The following TRMU variants were observed in gnomAD, a reference collection of about 807,000 sequenced individuals.
TRMU encodes the protein tRNA mitochondrial 2-thiouridylase.
TRMU carries 49 observed loss-of-function variants against 46.9 expected under a neutral mutation model. That is an observed-to-expected ratio of 1.05 (90% CI 0.83 to 1.33). The LOEUF is 1.33. TRMU is among the 40% of genes most tolerant of loss of function. The pLI is 0.00. For synonymous variants in TRMU, 241 were observed against 200.9 expected (o/e 1.20, Z -1.69); for missense variants, 572 against 532.4 (o/e 1.07, Z -0.73).
intron 9 of TRMU, 112 bp downstream of exon 9, chr22:46,355,700 C>G (rs1369039705): frequency 6.5e-7 from 1 of 1,540,318 alleles, no homozygotes; most frequent in Non-Finnish European, 8.9e-7. Flanking sequence ...TTGTGGAGAT[C>G]ATTTGGAGAT....
In TRMU at chr22:46,351,636, C is replaced by A. The variant is rs116074081; in HGVS notation, c.652-485C>A. 2,185 of 258,610 alleles carry A rather than the reference C, an allele frequency of 8.4e-3. 53 individuals carry two copies. Among genetic ancestry groups the A allele is most frequent in the African/African-American group, 0.046 (2,085 of 45,460 alleles). 16.0% of individuals were successfully genotyped at this position (258,610 alleles called of 1,614,324 possible). On this transcript the variant is annotated intron_variant, in intron 5 of 10. Coordinates refer to ENST00000645190, the MANE Select transcript of TRMU (RefSeq NM_018006.5). This position sits in a 1 kb window ranked among gnomAD's most constrained non-coding sequence, Gnocchi z 6.4. ...ACACAAACCAGAGTAAACGATGCAG[C>A]CCCTGATGGGGCCACGGTGGAGAGC...
intron 1 of TRMU, among the ~76,000 whole-genome samples, chr22:46,337,565 A>G (rs1328412470): frequency 6.6e-6 from 1 of 152,134 alleles, no homozygotes; most frequent in African/African-American, 2.4e-5. Flanking sequence ...GGACACAAAG[A>G]TGAGAAAATA....
rs550760620 is a variant in TRMU, at chr22:46,350,168, A to T, written c.479-123A>T. The T allele has an allele frequency of 2.0e-3, 2,246 of 1,122,958 alleles. 3 individuals are homozygous for T. Among genetic ancestry groups the T allele is most frequent in the Non-Finnish European group, 2.7e-3 (2,081 of 762,662 alleles). 69.6% of individuals were successfully genotyped at this position (1,122,958 alleles called of 1,614,324 possible). On this transcript the variant is annotated intron_variant, in intron 4 of 10. Coordinates refer to ENST00000645190, the MANE Select transcript of TRMU (RefSeq NM_018006.5). The surrounding 1 kb of genome is among the most constrained non-coding windows in gnomAD (Gnocchi z 4.6). ...GTCTTTTCCCTAGTAGTTGCTATTGAGTGTTGATGTCTGCCTCTGACAGGC... is the reference window on the plus strand; with the variant it reads ...GTCTTTTCCCTAGTAGTTGCTATTGTGTGTTGATGTCTGCCTCTGACAGGC...
rs142580828 is a variant in TRMU at position 46,349,406 on chromosome 22, T to TG, written c.479-883dup. 0.032 allele frequency among the ~76,000 whole-genome samples: 4,933 copies of TG among 152,266 alleles called. 280 individuals are homozygous for TG. Among genetic ancestry groups the TG allele is most frequent in the African/African-American group, 0.11 (4,623 of 41,528 alleles). On this transcript the variant is annotated intron_variant, in intron 4 of 10. Coordinates refer to ENST00000645190, the MANE Select transcript of TRMU (RefSeq NM_018006.5). This position sits in a 1 kb window ranked among gnomAD's most constrained non-coding sequence, Gnocchi z 4.6. ...CACGGCTAACGTGGGAATCGGCAGA[T>TG]GGAAAACACTAGCTACGCAGAGTGT...
At position 46,356,067 on chromosome 22, in the gene TRMU, G is replaced by A. The variant is rs1352813234; in HGVS notation, c.1096G>A (p.Gly366Arg). Residue 366 changes from glycine (G) to arginine (R), a missense_variant, in exon 10 of 11, where the codon GGA becomes AGA. Transcript: ENST00000645190. The stretch of plus-strand genomic sequence containing the variant: ...GCAGGCTGTGCGTGCCCTTGCCACA[G>A]GACAGGTGCGTGGGGTGTGGGGGTG... ...AVQAVRALAT[G>R]QFAVFYKGDE... 6.2e-7 allele frequency: 1 copy of A among 1,613,940 alleles called. No individual in the cohort carries two copies. The highest frequency in any genetic ancestry group is 2.2e-5 in the East Asian group (1 of 44,882).
Position 46,352,282 on chromosome 22 carries a change from G to A in TRMU, c.724G>A (p.Gly242Ser), listed in dbSNP as rs769144412. Residue 242 changes from glycine (G) to serine (S), a missense_variant, in exon 7 of 11, where the codon GGT becomes AGT. Coordinates refer to ENST00000645190, the MANE Select transcript of TRMU (RefSeq NM_018006.5). ...FLLQYLQPRP[G>S]HFISIEDNKV... Reference sequence around the variant, plus strand: ...TTTCCAGTATCTGCAGCCTCGACCTGGTCACTTTATTTCCATAGAAGACAA... The same window carrying A: ...TTTCCAGTATCTGCAGCCTCGACCTAGTCACTTTATTTCCATAGAAGACAA... 1 of 1,614,074 alleles carries A rather than the reference G, an allele frequency of 6.2e-7. No homozygotes were observed. Among genetic ancestry groups the A allele is most frequent in the Non-Finnish European group, 8.5e-7 (1 of 1,180,030 alleles).
intron 3 of TRMU, among the ~76,000 whole-genome samples, chr22:46,345,101 C>T (rs771603754): frequency 6.6e-6 from 1 of 152,170 alleles, no homozygotes; most frequent in East Asian, 1.9e-4. Flanking sequence ...GATGGAGTCT[C>T]ACTCTGTCTC....
rs937514852 is a variant in TRMU at position 46,348,819 on chromosome 22, C to A, written c.479-1472C>A. Among the ~76,000 whole-genome samples the A allele has an allele frequency of 8.5e-5, 13 of 152,144 alleles. No individual in the cohort carries two copies. The highest frequency in any genetic ancestry group is 3.1e-4 in the African/African-American group (13 of 41,436). On this transcript the variant is annotated intron_variant, in intron 4 of 10. Coordinates refer to ENST00000645190, the MANE Select transcript of TRMU (RefSeq NM_018006.5). This position sits in a 1 kb window ranked among gnomAD's most constrained non-coding sequence, Gnocchi z 4.8. ...GCTTTTACACACATGCAGTGTTTGA[C>A]TGCAGTTAGTTTGGGATTGAAAGTG...
chr22:46,340,276 A>G (rs1004939558), intron 2 of TRMU, among the ~76,000 whole-genome samples: 7 of 152,140 alleles, frequency 4.6e-5, no homozygotes, highest in Admixed American at 1.3e-4. Context: ...GGGAGACCAG[A>G]GAGGAGAGGA....
At chr22:46,352,213 T>G in intron 6 of TRMU, 39 bp downstream of exon 6, 1 of 1,613,848 alleles carries the variant, frequency 6.2e-7, no homozygotes, top group Admixed American at 1.7e-5. Context: ...TGGGGCTGCG[T>G]GTCTGCCCTG....
At chr22:46,343,455 G>A (rs979154633) in intron 3 of TRMU, 87 bp downstream of exon 3, 57 of 1,000,518 alleles carry the variant, frequency 5.7e-5, no homozygotes, top group Non-Finnish European at 2.6e-5. Flanking sequence ...GTGCGATCAT[G>A]ACTCACTGCA....
In TRMU at chr22:46,355,537, C is replaced by G; in HGVS notation, c.967C>G (p.Arg323Gly). Residue 323 changes from arginine (R) to glycine (G), a missense_variant, in exon 9 of 11, where the codon CGG becomes GGG. By Grantham distance (125) the Arg-to-Gly change is moderately radical. Transcript: ENST00000645190. ...IAEEPPAALVRDKMMECHFRF... is the reference protein window; with the variant it reads ...IAEEPPAALVGDKMMECHFRF... Reference sequence around the variant, plus strand: ...GGAGGAGCCTCCCGCAGCACTGGTCCGGGACAAGATGATGGAGTGCCACTT... The same window carrying G: ...GGAGGAGCCTCCCGCAGCACTGGTCGGGGACAAGATGATGGAGTGCCACTT... 1 of 1,613,260 alleles carries G rather than the reference C, an allele frequency of 6.2e-7. No individual in the cohort carries two copies. The highest frequency in any genetic ancestry group is 2.2e-5 in the East Asian group (1 of 44,862).
rs1223746135 is a variant in TRMU at position 46,335,887 on chromosome 22, G to A, written c.82+41G>A. The A allele has an allele frequency of 2.6e-6, 4 of 1,531,746 alleles. No homozygotes were observed. In the East Asian group the frequency reaches 9.8e-5, roughly 38 times the overall value. 94.9% of individuals were successfully genotyped at this position (1,531,746 alleles called of 1,614,324 possible). ...CTCCCGCCCCCCGCCGAGCGAATGT[G>A]TCCCCGGAAACCTGTCCCCGTCCGT... On this transcript the variant is annotated intron_variant, in intron 1 of 10. Transcript: ENST00000645190.
At chr22:46,345,508 A>T (rs1246645272) in intron 3 of TRMU, among the ~76,000 whole-genome samples, 1 of 152,216 alleles carries the variant, frequency 6.6e-6, no homozygotes, top group African/African-American at 2.4e-5. Context: ...AATAATACAT[A>T]TTTATTACAG....
At chr22:46,341,931 C>T (rs1012740787) in intron 2 of TRMU, among the ~76,000 whole-genome samples, 1 of 152,180 alleles carries the variant, frequency 6.6e-6, no homozygotes, top group Non-Finnish European at 1.5e-5. Context: ...GCTCATGGAG[C>T]CCTTGTGTAG....
rs1009813969 is a variant in TRMU at position 46,348,966 on chromosome 22, C to G, written c.479-1325C>G. 1.3e-5 allele frequency among the ~76,000 whole-genome samples: 2 copies of G among 151,890 alleles called. No individual in the cohort carries two copies. The highest frequency in any genetic ancestry group is 4.8e-5 in the African/African-American group (2 of 41,328). On this transcript the variant is annotated intron_variant, in intron 4 of 10. Transcript: ENST00000645190. This position sits in a 1 kb window ranked among gnomAD's most constrained non-coding sequence, Gnocchi z 4.8. The stretch of plus-strand genomic sequence containing the variant: ...TGGCCAACATGGTGAAACCCCATCT[C>G]TACTACAAATACAAAAAAAAAAGTT...
rs989650979 is a variant in TRMU, at chr22:46,356,776, TCTGCCC to T, written c.1102-60_1102-55del. The T allele has an allele frequency of 8.5e-5, 135 of 1,594,976 alleles. 1 individual carries two copies. The East Asian group carries it at 2.0e-3, about 24-fold the overall frequency. On this transcript the variant is annotated intron_variant, in intron 10 of 10. Coordinates refer to ENST00000645190, the MANE Select transcript of TRMU (RefSeq NM_018006.5). ...CAGGCCAGGCCCCATAGGGGAGCAC[TCTGCCC>T]CTGCCTGCCCTCGGCTGGCTCCCTG... is the stretch of plus-strand genomic sequence containing the variant.
At chr22:46,340,048 G>A (rs1009709422) in intron 2 of TRMU, among the ~76,000 whole-genome samples, 1 of 152,136 alleles carries the variant, frequency 6.6e-6, no homozygotes, top group Non-Finnish European at 1.5e-5. Flanking sequence ...TGGGGAGGGA[G>A]TGTGGGAGTG....
Position 46,349,605 on chromosome 22 carries a change from G to T in TRMU, c.479-686G>T, listed in dbSNP as rs890399693. ...TTGCCATTGATCATTGAACTCGAGAGTGGAGAACTGGACGGTTCTAAGCCA... is the reference window on the plus strand; with the variant it reads ...TTGCCATTGATCATTGAACTCGAGATTGGAGAACTGGACGGTTCTAAGCCA... On this transcript the variant is annotated intron_variant, in intron 4 of 10. Coordinates refer to ENST00000645190, the MANE Select transcript of TRMU (RefSeq NM_018006.5). The surrounding 1 kb of genome is among the most constrained non-coding windows in gnomAD (Gnocchi z 4.6). 6.6e-6 allele frequency among the ~76,000 whole-genome samples: 1 copy of T among 152,260 alleles called. No individual in the cohort carries two copies. Among genetic ancestry groups the T allele is most frequent in the Non-Finnish European group, 1.5e-5 (1 of 68,046 alleles).
Sources: allele counts gnomAD v4.1 joint callset (sites outside exome capture counted in the v4.1 genomes callset), GRCh38; gene constraint gnomAD v4.1.1; non-coding constraint Gnocchi (gnomAD v3.1); transcripts MANE v1.5; gene names NCBI Gene and HGNC (gene_info 2026-07-23, HGNC 2026-07-21).